PCDH9: variants seen among roughly 807,000 people sequenced by gnomAD.
PCDH9 encodes the protein protocadherin 9.
PCDH9 carries 24 observed loss-of-function variants against 70.6 expected under a neutral mutation model. The ratio of observed to expected loss-of-function variants is 0.34; its 90% CI spans 0.25 to 0.48. The LOEUF is 0.48. Ranked by LOEUF, PCDH9 falls within the 20% of genes least tolerant of loss-of-function variation. The pLI is 0.99. For missense variants in PCDH9, 1,281 were observed against 1,503.6 expected, an observed-to-expected ratio of 0.85 and a Z score of 2.45; for synonymous variants, 562 against 558.5, an observed-to-expected ratio of 1.01 and a Z score of -0.09.
intron 3 of PCDH9, among the ~76,000 whole-genome samples, chr13:66,725,198 C>T (rs2078990297): frequency 6.6e-6 from 1 of 152,166 alleles, no homozygotes; most frequent in Admixed American, 6.5e-5. Context: ...AATTCAACAG[C>T]AAATTCTGTT....
At chr13:66,480,560 C>T (rs1038425771) in intron 4 of PCDH9, among the ~76,000 whole-genome samples, 2 of 152,168 alleles carry the variant, frequency 1.3e-5, no homozygotes, top group African/African-American at 4.8e-5. Flanking sequence ...CAACAAACAT[C>T]TTTGTTGTCT....
At chr13:66,506,492 A>T (rs540232766) in intron 4 of PCDH9, among the ~76,000 whole-genome samples, 1 of 152,218 alleles carries the variant, frequency 6.6e-6, no homozygotes, top group Non-Finnish European at 1.5e-5. Context: ...ATAAGAAAGA[A>T]GATCTATTTA....
At chr13:66,326,900 GC>G (rs1479821992) in intron 4 of PCDH9, among the ~76,000 whole-genome samples, 1 of 150,122 alleles carries the variant, frequency 6.7e-6, no homozygotes, top group Non-Finnish European at 1.5e-5. Context: ...AAGCACAATG[GC>G]TTAGTTTCAG....
At chr13:66,364,116 T>C (rs1956515993) in intron 4 of PCDH9, among the ~76,000 whole-genome samples, 1 of 151,862 alleles carries the variant, frequency 6.6e-6, no homozygotes, top group African/African-American at 2.4e-5. Context: ...GACCACGCCA[T>C]TGCACTCCAG....
In PCDH9 at chr13:66,829,560, T is replaced by C. The variant is rs950560170; in HGVS notation, c.3138+73944A>G. Reference sequence around the variant, plus strand: ...ATATTAAATACTGAAAAGGGTGAATTTTACTGTTTATAAATTATTTCTCAA... The same window carrying C: ...ATATTAAATACTGAAAAGGGTGAATCTTACTGTTTATAAATTATTTCTCAA... On this transcript the variant is annotated intron_variant, in intron 3 of 4. Transcript: ENST00000377865. Among the ~76,000 whole-genome samples the C allele has an allele frequency of 4.0e-5, 6 of 151,204 alleles. 1 individual carries two copies. The East Asian group carries it at 1.2e-3, about 29-fold the overall frequency.
At chr13:66,808,361 T>C (rs1280298989) in intron 3 of PCDH9, among the ~76,000 whole-genome samples, 1 of 152,176 alleles carries the variant, frequency 6.6e-6, no homozygotes, top group Non-Finnish European at 1.5e-5. Flanking sequence ...ATAAAAATTA[T>C]GGTCCATAAA....
intron 4 of PCDH9, among the ~76,000 whole-genome samples, chr13:66,569,350 A>G (rs893209529): frequency 1.3e-5 from 2 of 152,062 alleles, no homozygotes; most frequent in African/African-American, 4.8e-5. Context: ...TAGAAAGGGT[A>G]GATAAATAAA....
chr13:66,319,587 A>T (rs959005684), intron 4 of PCDH9, among the ~76,000 whole-genome samples: 3 of 151,942 alleles, frequency 2.0e-5, no homozygotes, highest in Non-Finnish European at 4.4e-5. Flanking sequence ...GTGAAATTAA[A>T]CTAATAAGGA....
In PCDH9 at chr13:67,226,403, A is replaced by G; in HGVS notation, c.2038T>C (p.Ser680Pro). The G allele has an allele frequency of 1.2e-6, 2 of 1,614,218 alleles. No individual in the cohort carries two copies. The highest frequency in any genetic ancestry group is 1.7e-6 in the Non-Finnish European group (2 of 1,180,028). Residue 680 changes from serine to proline, a missense_variant, in exon 2 of 5, where the codon TCT becomes CCT. Coordinates refer to ENST00000377865, the MANE Select transcript of PCDH9 (RefSeq NM_203487.3). This position sits in a 1 kb window ranked among gnomAD's most constrained non-coding sequence, Gnocchi z 5.0. ...DNSPVVISPP[S>P]NTSFKLVPLS... The stretch of plus-strand genomic sequence containing the variant: ...GGCACCAACTTAAAGGAAGTATTAG[A>G]CGGTGGAGAAATGACAACTGGGCTG...
At position 66,625,076 on chromosome 13, in the gene PCDH9, G is replaced by A. The variant is rs538756030; in HGVS notation, c.3340+6134C>T. Among the ~76,000 whole-genome samples, 166 of 152,088 alleles carry A rather than the reference G, an allele frequency of 1.1e-3. 1 individual carries two copies. Among genetic ancestry groups the A allele is most frequent in the African/African-American group, 3.9e-3 (160 of 41,486 alleles). ...ATTATTTTGATAGAGTAATATTAAGGCAAATTCCAGACATCATATTGTTTC... is the reference window on the plus strand; with the variant it reads ...ATTATTTTGATAGAGTAATATTAAGACAAATTCCAGACATCATATTGTTTC... On this transcript the variant is annotated intron_variant, in intron 4 of 4. Transcript: ENST00000377865.
intron 2 of PCDH9, among the ~76,000 whole-genome samples, chr13:66,955,940 A>G (rs974365525): frequency 1.3e-5 from 2 of 152,184 alleles, no homozygotes; most frequent in African/African-American, 4.8e-5. Flanking sequence ...AAAAATAAAA[A>G]ATAAATAAAA....
intron 2 of PCDH9, among the ~76,000 whole-genome samples, chr13:67,174,276 A>G (rs1000125208): frequency 6.6e-6 from 1 of 151,838 alleles, no homozygotes; most frequent in Non-Finnish European, 1.5e-5. Context: ...TAGATGATAG[A>G]TAGCTAGATA....
rs139734958 is a variant in PCDH9 at position 66,519,868 on chromosome 13, G to A, written c.3340+111342C>T. On this transcript the variant is annotated intron_variant, in intron 4 of 4. Transcript: ENST00000377865. ...AGACTTTGAGCTTCTCTTCTTACTC[G>A]ACTGGTCGACGGCAGTCCTATTAAA... Among the ~76,000 whole-genome samples the A allele has an allele frequency of 3.4e-3, 520 of 152,172 alleles. 3 individuals carry two copies. Among genetic ancestry groups the A allele is most frequent in the African/African-American group, 0.012 (495 of 41,534 alleles).
At chr13:66,372,818 A>G (rs1956680640) in intron 4 of PCDH9, among the ~76,000 whole-genome samples, 1 of 151,954 alleles carries the variant, frequency 6.6e-6, no homozygotes, top group African/African-American at 2.4e-5. Context: ...AGTAAGCCAG[A>G]GAACAGAGAA....
At chr13:67,105,840 C>T (rs1266021942) in intron 2 of PCDH9, among the ~76,000 whole-genome samples, 1 of 151,464 alleles carries the variant, frequency 6.6e-6, no homozygotes, top group Non-Finnish European at 1.5e-5. Context: ...TAATGATCTA[C>T]ATAAGTAAAG....
chr13:66,449,608 G>C (rs1958165601), intron 4 of PCDH9, among the ~76,000 whole-genome samples: 1 of 152,064 alleles, frequency 6.6e-6, no homozygotes, highest in South Asian at 2.1e-4. Context: ...CACAAATAAA[G>C]TGTAAAGCTA....
At chr13:66,537,300 C>T (rs1401949168) in intron 4 of PCDH9, among the ~76,000 whole-genome samples, 8 of 151,970 alleles carry the variant, frequency 5.3e-5, no homozygotes, top group African/African-American at 1.9e-4. Context: ...GATATAAGGT[C>T]TGGATTGAAG....
At chr13:66,724,620 C>T (rs1040751731) in intron 3 of PCDH9, among the ~76,000 whole-genome samples, 2 of 152,174 alleles carry the variant, frequency 1.3e-5, no homozygotes, top group Admixed American at 6.5e-5. Flanking sequence ...GTCAGGACTT[C>T]GTCAACAAAT....
Position 66,595,106 on chromosome 13 carries a change from A to T in PCDH9, c.3340+36104T>A, listed in dbSNP as rs902015069. ...TTGAAAACTATATAGGCCTCTGGAG[A>T]TAGGCCTTCTGTCAGCTTAATGGCT... On this transcript the variant is annotated intron_variant, in intron 4 of 4. Coordinates refer to ENST00000377865, the MANE Select transcript of PCDH9 (RefSeq NM_203487.3). Among the ~76,000 whole-genome samples, 75 of 151,622 alleles carry T rather than the reference A, an allele frequency of 4.9e-4. 1 individual carries two copies. Among genetic ancestry groups the T allele is most frequent in the African/African-American group, 1.8e-3 (73 of 41,450 alleles).
Sources: gnomAD v4.1 joint callset for allele counts (sites outside exome capture counted in the v4.1 genomes callset) on GRCh38, gnomAD v4.1.1 for gene constraint, Gnocchi (gnomAD v3.1) non-coding constraint, MANE v1.5 for transcripts, NCBI Gene and HGNC (gene_info 2026-07-23, HGNC 2026-07-21) for gene names.